PDE10A: variants seen among roughly 807,000 people sequenced by gnomAD.
PDE10A encodes the protein phosphodiesterase 10A.
In PDE10A, 39 loss-of-function variants were observed where a neutral mutation model predicts 97.7. The ratio of observed to expected loss-of-function variants is 0.40; its 90% CI spans 0.31 to 0.52. The LOEUF is 0.52. Among genes scored for constraint, PDE10A ranks in the 20% least tolerant of loss-of-function variants. The pLI, the probability that PDE10A is intolerant of heterozygous loss-of-function variation, is 0.56. For synonymous variants in PDE10A, 371 were observed against 376.8 expected (o/e 0.98, Z 0.18); for missense variants, 731 against 1,047.8 (o/e 0.70, Z 4.17).
At chr6:165,391,104 A>G (rs545864089) in intron 16 of PDE10A, among the ~76,000 whole-genome samples, 1 of 152,344 alleles carries the variant, frequency 6.6e-6, no homozygotes, top group South Asian at 2.1e-4. Context: ...AAGGTGTGCC[A>G]GAATCATACA....
intron 1 of PDE10A, among the ~76,000 whole-genome samples, chr6:165,645,815 C>T (rs1789364532): frequency 7.3e-6 from 1 of 137,374 alleles, no homozygotes; most frequent in South Asian, 2.5e-4. Context: ...GATCATGCCA[C>T]TGTACTCTAG....
chr6:165,471,591 G>GC (rs1439175997), intron 3 of PDE10A, among the ~76,000 whole-genome samples: 1 of 152,010 alleles, frequency 6.6e-6, no homozygotes, highest in Non-Finnish European at 1.5e-5. Flanking sequence ...CATCCTGCAG[G>GC]CCCTCCCATG....
At chr6:165,637,298 C>T (rs545849791) in intron 1 of PDE10A, among the ~76,000 whole-genome samples, 1 of 152,088 alleles carries the variant, frequency 6.6e-6, no homozygotes, top group Non-Finnish European at 1.5e-5. Context: ...AAACAACCAC[C>T]ACCACCTATA....
chr6:165,481,718 T>C (rs527688683), intron 3 of PDE10A, among the ~76,000 whole-genome samples: 1 of 136,768 alleles, frequency 7.3e-6, no homozygotes, highest in South Asian at 2.5e-4. Flanking sequence ...TCACCTGCCA[T>C]AGTTTTTAAG....
At chr6:165,351,075 T>C (rs1782662782) in intron 18 of PDE10A, among the ~76,000 whole-genome samples, 1 of 152,202 alleles carries the variant, frequency 6.6e-6, no homozygotes, top group Non-Finnish European at 1.5e-5. Flanking sequence ...AAAAAAATTA[T>C]TATTAAGTGT....
At chr6:165,562,689 G>A (rs1784578192) in intron 1 of PDE10A, among the ~76,000 whole-genome samples, 1 of 152,192 alleles carries the variant, frequency 6.6e-6, no homozygotes, top group Non-Finnish European at 1.5e-5. Context: ...GGTTAGCAGG[G>A]AGATGGTTCT....
At chr6:165,875,746 T>TGTGTGTGTG (rs1554334719) in intron 1 of PDE10A, among the ~76,000 whole-genome samples, 4 of 147,014 alleles carry the variant, frequency 2.7e-5, no homozygotes, top group African/African-American at 5.3e-5. Flanking sequence ...TTTTTTTTTT[T>TGTGTGTGTG]TGTGTGTGTG....
upstream of PDE10A, among the ~76,000 whole-genome samples, chr6:165,663,611 T>C (rs1340200744): frequency 2.6e-5 from 4 of 152,170 alleles, no homozygotes; most frequent in Non-Finnish European, 5.9e-5. Flanking sequence ...CTCGGACCTT[T>C]GGTTGGAGTT....
chr6:165,784,610 T>G (rs1179126723), intron 1 of PDE10A, among the ~76,000 whole-genome samples: 1 of 152,242 alleles, frequency 6.6e-6, no homozygotes, highest in Non-Finnish European at 1.5e-5. Context: ...TCCCTTCTGA[T>G]GGACAGCCGG....
intron 1 of PDE10A, among the ~76,000 whole-genome samples, chr6:165,740,403 T>C (rs930439926): frequency 6.6e-6 from 1 of 152,050 alleles, no homozygotes; most frequent in Non-Finnish European, 1.5e-5. Flanking sequence ...TGATCTCAGC[T>C]CACTGCAACC....
At chr6:165,954,971 C>T (rs1225781113) in intron 1 of PDE10A, among the ~76,000 whole-genome samples, 2 of 152,152 alleles carry the variant, frequency 1.3e-5, no homozygotes, top group African/African-American at 2.4e-5. Context: ...CTCAACGTAG[C>T]TCCAGCCTGG....
intron 1 of PDE10A, among the ~76,000 whole-genome samples, chr6:165,778,942 G>T (rs908430427): frequency 6.6e-6 from 1 of 152,002 alleles, no homozygotes; most frequent in Non-Finnish European, 1.5e-5. Context: ...TTATTGGTGT[G>T]GCAAGTGTCT....
rs1278660341 is a variant in PDE10A, at chr6:165,431,496, C to T, written c.1492-24G>A. The T allele has an allele frequency of 3.5e-6, 5 of 1,430,266 alleles. No individual in the cohort carries two copies. In the Admixed American group the frequency reaches 5.2e-5, roughly 15 times the overall value. The allele number at this position is 1,430,266 out of a possible 1,614,324, so 88.6% of individuals were successfully genotyped here. On this transcript the variant is annotated intron_variant, in intron 7 of 21. Transcript: ENST00000539869. Reference sequence around the variant, plus strand: ...ACCTAAAAAAAACAAGAAATACATACCTATAAGTAATAATACATAACGTAT... The same window carrying T: ...ACCTAAAAAAAACAAGAAATACATATCTATAAGTAATAATACATAACGTAT...
intron 2 of PDE10A, among the ~76,000 whole-genome samples, chr6:165,518,207 T>C (rs761851749): frequency 2.0e-5 from 3 of 152,180 alleles, no homozygotes; most frequent in African/African-American, 4.8e-5. Flanking sequence ...GGACATTAAA[T>C]AGAGGGCACA....
chr6:165,383,263 G>T (rs1785046736), intron 17 of PDE10A, among the ~76,000 whole-genome samples: 1 of 152,004 alleles, frequency 6.6e-6, no homozygotes, highest in Non-Finnish European at 1.5e-5. Flanking sequence ...ATTAAAAAAG[G>T]CAAAGAAAAA....
At chr6:165,749,049 T>C (rs1380571466) in intron 1 of PDE10A, among the ~76,000 whole-genome samples, 2 of 152,194 alleles carry the variant, frequency 1.3e-5, no homozygotes, top group Non-Finnish European at 2.9e-5. Flanking sequence ...TTCTAATCTC[T>C]CATCTCTTTT....
intron 2 of PDE10A, among the ~76,000 whole-genome samples, chr6:165,510,340 C>T (rs576073581): frequency 3.6e-4 from 55 of 152,098 alleles, no homozygotes; most frequent in Non-Finnish European, 7.8e-4. Context: ...TATTGGTTTG[C>T]ATATCTTAAA....
chr6:165,432,130 G>A (rs1043962366), intron 7 of PDE10A, among the ~76,000 whole-genome samples: 4 of 152,156 alleles, frequency 2.6e-5, no homozygotes, highest in African/African-American at 9.7e-5. Flanking sequence ...AACAGAAATG[G>A]AGTGGCCTTC....
rs1455791517 is a variant in PDE10A at position 165,661,907 on chromosome 6, A to G, written c.865+40T>C. The stretch of plus-strand genomic sequence containing the variant: ...CCCCACCTGCCCCCAGGGGATGAGG[A>G]GCCGCCCCACCTCCGGGGAACGGGG... On this transcript the variant is annotated intron_variant, in intron 1 of 21. Coordinates refer to ENST00000539869, the MANE Select transcript of PDE10A (RefSeq NM_001385079.1). This position sits in a 1 kb window ranked among gnomAD's most constrained non-coding sequence, Gnocchi z 4.8. The G allele has an allele frequency of 1.2e-6, 1 of 804,394 alleles. No individual in the cohort carries two copies. Among genetic ancestry groups the G allele is most frequent in the Non-Finnish European group, 2.1e-6 (1 of 477,566 alleles). 49.8% of individuals were successfully genotyped at this position (804,394 alleles called of 1,614,324 possible).
Sources: gnomAD v4.1 joint callset for allele counts (sites outside exome capture counted in the v4.1 genomes callset) on GRCh38, gnomAD v4.1.1 for gene constraint, Gnocchi (gnomAD v3.1) non-coding constraint, MANE v1.5 for transcripts, NCBI Gene and HGNC (gene_info 2026-07-23, HGNC 2026-07-21) for gene names.